HIF1AN: variants seen among roughly 807,000 people sequenced by gnomAD.
HIF1AN encodes the protein hypoxia inducible factor 1 subunit alpha inhibitor.
HIF1AN carries 21 observed loss-of-function variants against 47.7 expected under a neutral mutation model. The ratio of observed to expected loss-of-function variants is 0.44; its 90% CI spans 0.31 to 0.63. HIF1AN has a LOEUF of 0.63. Among genes scored for constraint, HIF1AN ranks in the 30% least tolerant of loss-of-function variants. The pLI, the probability that HIF1AN is intolerant of heterozygous loss-of-function variation, is 0.07. For synonymous variants in HIF1AN, 152 were observed against 155.9 expected, an observed-to-expected ratio of 0.98 and a Z score of 0.18; for missense variants, 320 against 432.7, an observed-to-expected ratio of 0.74 and a Z score of 2.31.
chr10:100,546,367 C>A, intron 5 of HIF1AN, 151 bp from the exon 6 acceptor site: 1 of 670,832 alleles, frequency 1.5e-6, no homozygotes, highest in Non-Finnish European at 2.6e-6. Context: ...GTTTTTTTCA[C>A]AGGATGAGTG....
At chr10:100,542,632 GGCGTGA>G (rs1458013896) in intron 3 of HIF1AN, among the ~76,000 whole-genome samples, 1 of 152,136 alleles carries the variant, frequency 6.6e-6, no homozygotes, top group East Asian at 1.9e-4. Context: ...TGGGATTACA[GGCGTGA>G]GCCACCGCGC....
Position 100,553,528 on chromosome 10 carries a change from A to G in HIF1AN, c.*5391A>G, listed in dbSNP as rs1354350605. 6.6e-6 allele frequency: 1 copy of G among 152,214 alleles called. No homozygotes were observed. The highest frequency in any genetic ancestry group is 2.4e-5 in the African/African-American group (1 of 41,454). 9.4% of individuals were successfully genotyped at this position (152,214 alleles called of 1,614,324 possible). Reference sequence around the variant, plus strand: ...ACCCAGACTATCTCTCCACTCCTCCAAGAGTTTGAGTCCCATAGCTGATGA... The same window carrying G: ...ACCCAGACTATCTCTCCACTCCTCCGAGAGTTTGAGTCCCATAGCTGATGA... On this transcript the variant is annotated 3_prime_UTR_variant, in exon 8 of 8. Coordinates refer to ENST00000299163, the MANE Select transcript of HIF1AN (RefSeq NM_017902.3).
At chr10:100,542,415 G>A (rs924106133) in intron 3 of HIF1AN, among the ~76,000 whole-genome samples, 4 of 152,026 alleles carry the variant, frequency 2.6e-5, no homozygotes, top group Admixed American at 6.6e-5. Context: ...GTGCAGTGGC[G>A]CGATCTCGGC....
intron 2 of HIF1AN, among the ~76,000 whole-genome samples, chr10:100,537,295 T>C (rs1564661017): frequency 6.6e-6 from 1 of 152,230 alleles, no homozygotes; most frequent in Non-Finnish European, 1.5e-5. Context: ...TCAGGATTTT[T>C]ATTTAAAATC....
chr10:100,543,386 G>T (rs1843064458), intron 3 of HIF1AN, among the ~76,000 whole-genome samples: 1 of 151,950 alleles, frequency 6.6e-6, no homozygotes, highest in African/African-American at 2.4e-5. Context: ...TAGAGATGGG[G>T]GTCTCCCTAT....
Position 100,548,486 on chromosome 10 carries a change from G to A in HIF1AN, c.*349G>A, listed in dbSNP as rs1157809755. 10 of 231,310 alleles carry A rather than the reference G, an allele frequency of 4.3e-5. No individual in the cohort carries two copies. Among genetic ancestry groups the A allele is most frequent in the East Asian group, 9.1e-5 (1 of 10,986 alleles). The allele number at this position is 231,310 out of a possible 1,614,324, so 14.3% of individuals were successfully genotyped here. On this transcript the variant is annotated 3_prime_UTR_variant, in exon 8 of 8. Transcript: ENST00000299163. ...TGTGTGCGTGTGTGTGCATGCACAC[G>A]CATGTATGTATCTGTTCCCTGTTCC...
In HIF1AN at chr10:100,553,642, T is replaced by C. The variant is rs568256054; in HGVS notation, c.*5505T>C. On this transcript the variant is annotated 3_prime_UTR_variant, in exon 8 of 8. Transcript: ENST00000299163. ...GGAGCATATGTCCTTTAACTTTCAA[T>C]GGTAAACAATCTAGGATAGTGTTTA... 21 of 152,360 alleles carry C rather than the reference T, an allele frequency of 1.4e-4. No individual in the cohort carries two copies. The highest frequency in any genetic ancestry group is 4.8e-4 in the African/African-American group (20 of 41,588). 9.4% of individuals were successfully genotyped at this position (152,360 alleles called of 1,614,324 possible).
At position 100,555,771 on chromosome 10, in the gene HIF1AN, C is replaced by T. The variant is rs1843209737; in HGVS notation, c.*7634C>T. ...GCTGTTTTATTCCGTTTACTTAAAA[C>T]CTATTCACTTGGTCATTGAGGTCAG... is the stretch of plus-strand genomic sequence containing the variant. On this transcript the variant is annotated 3_prime_UTR_variant, in exon 8 of 8. Coordinates refer to ENST00000299163, the MANE Select transcript of HIF1AN (RefSeq NM_017902.3). The T allele has an allele frequency of 6.6e-6, 1 of 152,250 alleles. No homozygotes were observed. Among genetic ancestry groups the T allele is most frequent in the Non-Finnish European group, 1.5e-5 (1 of 68,054 alleles). 9.4% of individuals were successfully genotyped at this position (152,250 alleles called of 1,614,324 possible).
intron 2 of HIF1AN, among the ~76,000 whole-genome samples, chr10:100,538,602 C>T (rs531525444): frequency 1.3e-5 from 2 of 152,138 alleles, no homozygotes; most frequent in South Asian, 4.2e-4. Context: ...AGGCAGATCA[C>T]CTGAGGTCAG....
In HIF1AN at chr10:100,546,551, G is replaced by C. The variant is rs2133728158; in HGVS notation, c.864G>C (p.Gly288=). The change falls in exon 6 of 8, where the codon GGG becomes GGC. Residue 288 remains glycine, a synonymous_variant. Coordinates refer to ENST00000299163, the MANE Select transcript of HIF1AN (RefSeq NM_017902.3). ...WHHIESLLNG[G]ITITVNFWYK... Reference sequence around the variant, plus strand: ...ACATAGAGTCATTACTAAATGGGGGGATTACCATCACTGTGAACTTCTGGT... The same window carrying C: ...ACATAGAGTCATTACTAAATGGGGGCATTACCATCACTGTGAACTTCTGGT... 1 of 1,613,620 alleles carries C rather than the reference G, an allele frequency of 6.2e-7. No individual in the cohort carries two copies. Among genetic ancestry groups the C allele is most frequent in the Non-Finnish European group, 8.5e-7 (1 of 1,179,836 alleles).
intron 2 of HIF1AN, among the ~76,000 whole-genome samples, chr10:100,540,036 C>T: frequency 6.6e-6 from 1 of 152,100 alleles, no homozygotes; most frequent in East Asian, 1.9e-4. Context: ...GAGATGGTGT[C>T]TTGCTCTTGT....
At chr10:100,540,492 G>A (rs904487346) in intron 2 of HIF1AN, 142 bp from the exon 3 acceptor site, 5 of 798,550 alleles carry the variant, frequency 6.3e-6, no homozygotes, top group African/African-American at 1.8e-5. Flanking sequence ...GAGAATCCAT[G>A]TTGGCTAAAA....
In HIF1AN at chr10:100,556,830, C is replaced by T. The variant is rs113343909; in HGVS notation, c.*8693C>T. 49 of 152,218 alleles carry T rather than the reference C, an allele frequency of 3.2e-4. No homozygotes were observed. The highest frequency in any genetic ancestry group is 1.2e-3 in the African/African-American group (48 of 41,524). The allele number at this position is 152,218 out of a possible 1,614,324, so 9.4% of individuals were successfully genotyped here. ...AACTTGTAGCATTGTTATAAGGGCT[C>T]GTGATAATGTTTTTAAAACACCTGG... is the stretch of plus-strand genomic sequence containing the variant. On this transcript the variant is annotated 3_prime_UTR_variant, in exon 8 of 8. Coordinates refer to ENST00000299163, the MANE Select transcript of HIF1AN (RefSeq NM_017902.3).
rs1449253198 is a variant in HIF1AN, at chr10:100,555,803, C to G, written c.*7666C>G. ...ACTTGGTCATTGAGGTCAGAACTAT[C>G]AGGAAAGCTGTGCTCCTTAACCCAT... On this transcript the variant is annotated 3_prime_UTR_variant, in exon 8 of 8. Coordinates refer to ENST00000299163, the MANE Select transcript of HIF1AN (RefSeq NM_017902.3). The G allele has an allele frequency of 6.6e-6, 1 of 152,248 alleles. No homozygotes were observed. The highest frequency in any genetic ancestry group is 1.5e-5 in the Non-Finnish European group (1 of 68,068). The allele number at this position is 152,248 out of a possible 1,614,324, so 9.4% of individuals were successfully genotyped here.
intron 3 of HIF1AN, among the ~76,000 whole-genome samples, chr10:100,542,858 T>G (rs1326219045): frequency 2.7e-5 from 4 of 149,112 alleles, no homozygotes; most frequent in African/African-American, 4.9e-5. Flanking sequence ...TTTTTTTTTT[T>G]TTTTTTTTTT....
In HIF1AN at chr10:100,557,092, G is replaced by A. The variant is rs1843220770; in HGVS notation, c.*8955G>A. On this transcript the variant is annotated 3_prime_UTR_variant, in exon 8 of 8. Coordinates refer to ENST00000299163, the MANE Select transcript of HIF1AN (RefSeq NM_017902.3). ...GAAGTGCTGGGCTGGGGACAGAAAG[G>A]GTTTAATAGGGCAGGGTCTTGAGGA... 6.6e-6 allele frequency: 1 copy of A among 152,240 alleles called. No homozygotes were observed. Among genetic ancestry groups the A allele is most frequent in the African/African-American group, 2.4e-5 (1 of 41,430 alleles). 9.4% of individuals were successfully genotyped at this position (152,240 alleles called of 1,614,324 possible). A position where few individuals can be genotyped will look rare whatever the true frequency, so the allele number is the denominator to read the frequency against.
rs1275104748 is a variant in HIF1AN, at chr10:100,549,953, T to C, written c.*1816T>C. ...CTGATGCAGTGTGGATGTGAAGATATGGTACCTTCTCAAGTGTAGCTCTTT... is the reference window on the plus strand; with the variant it reads ...CTGATGCAGTGTGGATGTGAAGATACGGTACCTTCTCAAGTGTAGCTCTTT... On this transcript the variant is annotated 3_prime_UTR_variant, in exon 8 of 8. Coordinates refer to ENST00000299163, the MANE Select transcript of HIF1AN (RefSeq NM_017902.3). The C allele has an allele frequency of 1.3e-5, 2 of 152,138 alleles. No individual in the cohort carries two copies. Among genetic ancestry groups the C allele is most frequent in the African/African-American group, 2.4e-5 (1 of 41,414 alleles). 9.4% of individuals were successfully genotyped at this position (152,138 alleles called of 1,614,324 possible).
At chr10:100,538,248 T>C (rs953179840) in intron 2 of HIF1AN, among the ~76,000 whole-genome samples, 1 of 152,182 alleles carries the variant, frequency 6.6e-6, no homozygotes, top group Non-Finnish European at 1.5e-5. Flanking sequence ...CCCTATCAGC[T>C]GACTTTAGCA....
intron 2 of HIF1AN, among the ~76,000 whole-genome samples, chr10:100,539,944 T>G (rs1206486741): frequency 6.6e-6 from 1 of 152,170 alleles, no homozygotes. Flanking sequence ...TGAAATTGTG[T>G]GAAAGTTCTG....
Sources: allele counts gnomAD v4.1 joint callset (sites outside exome capture counted in the v4.1 genomes callset), GRCh38; gene constraint gnomAD v4.1.1; transcripts MANE v1.5; gene names NCBI Gene and HGNC (gene_info 2026-07-23, HGNC 2026-07-21).